Variants in DOCK1 observed in about 807,000 individuals in gnomAD.
The protein encoded by DOCK1 is dedicator of cytokinesis protein 1.
In DOCK1, 138 loss-of-function variants were observed where a neutral mutation model predicts 262.7. That is an observed-to-expected ratio of 0.53 (90% CI 0.46 to 0.61). The LOEUF is 0.61. Among genes scored for constraint, DOCK1 ranks in the 20% least tolerant of loss-of-function variants. The pLI is 0.00. For missense variants in DOCK1, 1,908 were observed against 2,370.7 expected, an observed-to-expected ratio of 0.80 and a Z score of 4.05; for synonymous variants, 866 against 867.4, an observed-to-expected ratio of 1.00 and a Z score of 0.03.
At chr10:126,951,679 ATTG>A (rs1368846076) in intron 1 of DOCK1, among the ~76,000 whole-genome samples, 3 of 151,728 alleles carry the variant, frequency 2.0e-5, no homozygotes, top group Non-Finnish European at 4.4e-5. Flanking sequence ...AGTAGTAAGT[ATTG>A]TTGTTGGTAT....
chr10:127,012,265 G>T lies in DOCK1; in HGVS notation c.1092G>T (p.Pro364=). 6.2e-7 allele frequency: 1 copy of T among 1,612,436 alleles called. No individual in the cohort carries two copies. Among genetic ancestry groups the T allele is most frequent in the Non-Finnish European group, 8.5e-7 (1 of 1,178,494 alleles). The change falls in exon 12 of 52, where the codon CCG becomes CCT. Residue 364 remains proline (P), a synonymous_variant. Coordinates refer to ENST00000623213, the MANE Select transcript of DOCK1 (RefSeq NM_001290223.2). The surrounding 1 kb of genome is among the most constrained non-coding windows in gnomAD (Gnocchi z 4.0). ...LALDDAIRHK[P]LNMSSRFSPR... is the part of the protein sequence containing the mutation. ...TGGACGACGCCATTCGACACAAGCC[G>T]CTGAACATGTCATCCCGTTTTTCAC...
chr10:127,427,652 C>T (rs2068908939), intron 47 of DOCK1, among the ~76,000 whole-genome samples: 1 of 152,176 alleles, frequency 6.6e-6, no homozygotes, highest in South Asian at 2.1e-4. Context: ...CTTTTAGCCC[C>T]TACTCCAGGG....
intron 27 of DOCK1, among the ~76,000 whole-genome samples, chr10:127,236,494 A>C (rs2059060299): frequency 8.1e-6 from 1 of 123,510 alleles, no homozygotes; most frequent in Admixed American, 9.1e-5. Context: ...ATCCTTCTTG[A>C]CACGGGTTTT....
At chr10:127,431,876 C>T (rs558404686) in intron 47 of DOCK1, among the ~76,000 whole-genome samples, 1 of 152,306 alleles carries the variant, frequency 6.6e-6, no homozygotes, top group African/African-American at 2.4e-5. Context: ...GGACTGGTAT[C>T]AGTCTGTGGC....
At chr10:127,445,590 A>G (rs2070485644) in intron 50 of DOCK1, among the ~76,000 whole-genome samples, 2 of 152,186 alleles carry the variant, frequency 1.3e-5, no homozygotes, top group South Asian at 4.1e-4. Context: ...TGCGGAAAAC[A>G]ATTTAGTGGT....
chr10:127,234,796 T>A (rs1156614118), intron 27 of DOCK1, among the ~76,000 whole-genome samples: 4 of 151,884 alleles, frequency 2.6e-5, no homozygotes, highest in Admixed American at 1.3e-4. Flanking sequence ...GAAAGTACTC[T>A]GTTTCTATAT....
intron 16 of DOCK1, among the ~76,000 whole-genome samples, chr10:127,028,348 G>T (rs112252944): frequency 5.3e-5 from 8 of 152,200 alleles, no homozygotes; most frequent in Non-Finnish European, 8.8e-5. Flanking sequence ...ACAACTATCA[G>T]CAGATGTTGG....
At chr10:127,397,685 C>G (rs1233933077) in intron 38 of DOCK1, among the ~76,000 whole-genome samples, 1 of 151,810 alleles carries the variant, frequency 6.6e-6, no homozygotes, top group Admixed American at 6.6e-5. Context: ...CTGCATGACA[C>G]AGGTAGTAGC....
intron 29 of DOCK1, among the ~76,000 whole-genome samples, chr10:127,306,207 G>A (rs1430238699): frequency 6.6e-6 from 1 of 152,038 alleles, no homozygotes; most frequent in Non-Finnish European, 1.5e-5. Context: ...TAGAGATGGG[G>A]TTTCACCATG....
At chr10:127,125,078 C>T (rs575869165) in intron 25 of DOCK1, among the ~76,000 whole-genome samples, 35 of 152,244 alleles carry the variant, frequency 2.3e-4, no homozygotes, top group African/African-American at 7.2e-4. Context: ...GATCACACCA[C>T]GGCACTCCAG....
At chr10:127,255,036 C>T (rs538761226) in intron 28 of DOCK1, among the ~76,000 whole-genome samples, 8 of 152,296 alleles carry the variant, frequency 5.3e-5, no homozygotes, top group Middle Eastern at 3.4e-3. Context: ...ACGATTTTGC[C>T]TCTGAAGCAG....
At position 127,356,710 on chromosome 10, in the gene DOCK1, C is replaced by T. The variant is rs148733937; in HGVS notation, c.3283+1983C>T. ...TCAGTGAGTCCAGGACTTTTATAGG[C>T]ACCAACGTTCATGAAGGAGGTGATA... On this transcript the variant is annotated intron_variant, in intron 32 of 51. Transcript: ENST00000623213. Among the ~76,000 whole-genome samples the T allele has an allele frequency of 6.9e-3, 1,053 of 152,180 alleles. 8 individuals carry two copies. The highest frequency in any genetic ancestry group is 0.01 in the Non-Finnish European group (705 of 68,004).
At chr10:127,184,536 G>A (rs1338796021) in intron 27 of DOCK1, among the ~76,000 whole-genome samples, 1 of 133,782 alleles carries the variant, frequency 7.5e-6, no homozygotes, top group Non-Finnish European at 1.5e-5. Flanking sequence ...AAGTGCACAC[G>A]TCGCTTCTCT....
At chr10:127,113,693 C>T (rs182419097) in intron 25 of DOCK1, among the ~76,000 whole-genome samples, 2 of 152,266 alleles carry the variant, frequency 1.3e-5, no homozygotes, top group African/African-American at 2.4e-5. Flanking sequence ...ATAGGAGGCA[C>T]GTCTTTGGGC....
At chr10:127,253,183 G>A (rs886387502) in intron 28 of DOCK1, among the ~76,000 whole-genome samples, 1 of 152,186 alleles carries the variant, frequency 6.6e-6, no homozygotes, top group Non-Finnish European at 1.5e-5. Context: ...GCTGCCACGT[G>A]TCCACGTCTC....
chr10:127,133,774 G>A (rs868728977), intron 27 of DOCK1, among the ~76,000 whole-genome samples: 2 of 152,232 alleles, frequency 1.3e-5, no homozygotes, highest in African/African-American at 2.4e-5. Flanking sequence ...TGACCAAAAT[G>A]TATAGGATCC....
intron 38 of DOCK1, among the ~76,000 whole-genome samples, chr10:127,402,079 G>A (rs1163983961): frequency 8.5e-5 from 13 of 152,232 alleles, no homozygotes; most frequent in Non-Finnish European, 4.4e-5. Flanking sequence ...GCATCCTGCA[G>A]TTCTGTTCAC....
At chr10:126,909,978 G>A (rs1048248434) in intron 1 of DOCK1, among the ~76,000 whole-genome samples, 4 of 152,322 alleles carry the variant, frequency 2.6e-5, no homozygotes, top group Non-Finnish European at 4.4e-5. Context: ...TGAGGAGCCT[G>A]ACTTGCGTGC....
At chr10:127,244,392 C>T (rs1465894635) in intron 27 of DOCK1, among the ~76,000 whole-genome samples, 1 of 152,082 alleles carries the variant, frequency 6.6e-6, no homozygotes, top group African/African-American at 2.4e-5. Context: ...GAATTACTTC[C>T]TTTGGTAGAT....
Sources: allele counts gnomAD v4.1 joint callset (sites outside exome capture counted in the v4.1 genomes callset), GRCh38; gene constraint gnomAD v4.1.1; non-coding constraint Gnocchi (gnomAD v3.1); transcripts MANE v1.5; gene names NCBI Gene and HGNC (gene_info 2026-07-23, HGNC 2026-07-21).